The following DCBLD2 variants were observed in gnomAD, a reference collection of about 807,000 sequenced individuals.
The protein encoded by DCBLD2 is discoidin, CUB and LCCL domain-containing protein 2.
Under a neutral mutation model 86.8 loss-of-function variants are expected in DCBLD2, and 54 were observed. The observed-to-expected ratio is 0.62, with a 90% CI of 0.50 to 0.78. The LOEUF (loss-of-function observed/expected upper bound fraction) is 0.78. Among genes scored for constraint, DCBLD2 ranks in the 30% least tolerant of loss-of-function variants. DCBLD2 has a pLI of 0.00. For missense variants in DCBLD2, 908 were observed against 954.2 expected (o/e 0.95, Z 0.64); for synonymous variants, 354 against 341.3 (o/e 1.04, Z -0.41).
At chr3:98,881,498 C>A in intron 2 of DCBLD2, 42 bp downstream of exon 2, 1 of 1,517,832 alleles carries the variant, frequency 6.6e-7, no homozygotes, top group Non-Finnish European at 9.1e-7. Flanking sequence ...ATCATTGAGA[C>A]AATGATGTAT....
rs1272471254 is a variant in DCBLD2 at position 98,797,382 on chromosome 3, A to T, written c.*1990T>A. 6.6e-6 allele frequency: 1 copy of T among 152,550 alleles called. No individual in the cohort carries two copies. The highest frequency in any genetic ancestry group is 1.5e-5 in the Non-Finnish European group (1 of 68,026). The allele number at this position is 152,550 out of a possible 1,614,324, so 9.4% of individuals were successfully genotyped here. On this transcript the variant is annotated 3_prime_UTR_variant, in exon 16 of 16. Coordinates refer to ENST00000326840, the MANE Select transcript of DCBLD2 (RefSeq NM_080927.4). ...AATAGCAAACTTCTTTGGGAAAATG[A>T]AATAGTTACCAAAAACATCTCTCTT...
At chr3:98,857,635 T>C (rs2470864) in intron 2 of DCBLD2, among the ~76,000 whole-genome samples, 66,134 of 151,874 alleles carry the variant, frequency 0.44, 14,580 homozygotes, top group African/African-American at 0.46. Flanking sequence ...AGGGTGCTGA[T>C]TGGTGTGTTT....
chr3:98,832,707 G>A (rs920942149), intron 3 of DCBLD2, among the ~76,000 whole-genome samples: 3 of 152,142 alleles, frequency 2.0e-5, no homozygotes, highest in African/African-American at 2.4e-5. Context: ...GCTTAGTTTG[G>A]CTGGTTATGA....
In DCBLD2 at chr3:98,819,775, C is replaced by A. The variant is rs965029589; in HGVS notation, c.872-358G>T. 2.0e-5 allele frequency among the ~76,000 whole-genome samples: 3 copies of A among 152,180 alleles called. No homozygotes were observed. The East Asian group carries it at 5.8e-4, about 29-fold the overall frequency. On this transcript the variant is annotated intron_variant, in intron 7 of 15. Coordinates refer to ENST00000326840, the MANE Select transcript of DCBLD2 (RefSeq NM_080927.4). ...TCTTCCCTGGGAGGAAGGCCCTTCC[C>A]AACTTCAATCCAGTCCTCCTTATTT...
intron 2 of DCBLD2, among the ~76,000 whole-genome samples, chr3:98,875,633 C>T (rs1943354688): frequency 1.3e-5 from 2 of 152,114 alleles, no homozygotes. Context: ...AGACTAAGCC[C>T]TATCAGGCAT....
Position 98,882,419 on chromosome 3 carries a change from CT to C in DCBLD2, c.206-653del, listed in dbSNP as rs886350011. Among the ~76,000 whole-genome samples the C allele has an allele frequency of 2.7e-4, 40 of 148,964 alleles. No individual in the cohort carries two copies. The South Asian group carries it at 4.3e-3, about 16-fold the overall frequency. On this transcript the variant is annotated intron_variant, in intron 1 of 15. Transcript: ENST00000326840. The stretch of plus-strand genomic sequence containing the variant: ...ATCTGTGAGAAGCTGAATGGAAGCT[CT>C]TTTTTTTTTAACTTTTTAAAAATTA...
intron 3 of DCBLD2, among the ~76,000 whole-genome samples, chr3:98,844,343 T>TTTATTATTATTA (rs10530611): frequency 0.15 from 21,935 of 145,770 alleles, 1,731 homozygotes; most frequent in Middle Eastern, 0.25. Context: ...GTCAGTAGCA[T>TTTATTATTATTA]TTATTATTAT....
chr3:98,802,377 T>C (rs552910895), intron 13 of DCBLD2, among the ~76,000 whole-genome samples: 3 of 152,360 alleles, frequency 2.0e-5, no homozygotes, highest in Admixed American at 2.0e-4. Flanking sequence ...TCTGTTCATA[T>C]CTTTCGCCCA....
rs538668736 is a variant in DCBLD2 at position 98,901,168 on chromosome 3, G to C, written c.159C>G (p.Leu53=). The C allele has an allele frequency of 1.2e-5, 19 of 1,538,438 alleles. No individual in the cohort carries two copies. In the African/African-American group the frequency reaches 1.9e-4, roughly 15 times the overall value. Reference sequence around the variant, plus strand: ...CGAGCAGCAGGAGCAGGACAAGTAAGAGCAGGAGGAACAGAGGCATGGAGA... The same window carrying C: ...CGAGCAGCAGGAGCAGGACAAGTAACAGCAGGAGGAACAGAGGCATGGAGA... ...SSFSMPLFLL[L]LLVLLLLLED... is the part of the protein sequence containing the mutation. Residue 53 remains leucine, a synonymous_variant, in exon 1 of 16, where the codon CTC becomes CTG. Transcript: ENST00000326840.
At chr3:98,801,418 T>C (rs776969132) in intron 14 of DCBLD2, 182 bp downstream of exon 14, 3 of 462,294 alleles carry the variant, frequency 6.5e-6, no homozygotes, top group Middle Eastern at 3.4e-4. Context: ...ATTTCATTAC[T>C]TAGGAATTAC....
chr3:98,870,795 AAGAAAG>A (rs1559794625), intron 2 of DCBLD2, among the ~76,000 whole-genome samples: 3 of 149,458 alleles, frequency 2.0e-5, no homozygotes, highest in Non-Finnish European at 3.0e-5. Flanking sequence ...GAAAGAAAGA[AAGAAAG>A]AAAGAAAGAA....
chr3:98,812,805 G>T (rs1420928067), intron 9 of DCBLD2: 4 of 186,776 alleles, frequency 2.1e-5, no homozygotes, highest in Non-Finnish European at 4.4e-5. Context: ...TAGTAAATCA[G>T]TAACTCTAGT....
rs149302458 is a variant in DCBLD2, at chr3:98,845,144, T to C, written c.571+4317A>G. ...TTTCACTATCTTTCAAAAATGAGGT[T>C]TATAGGTGAAAATGGAAAGAGATAA... On this transcript the variant is annotated intron_variant, in intron 3 of 15. Coordinates refer to ENST00000326840, the MANE Select transcript of DCBLD2 (RefSeq NM_080927.4). 2.4e-4 allele frequency among the ~76,000 whole-genome samples: 37 copies of C among 152,264 alleles called. No homozygotes were observed. The East Asian group carries it at 3.5e-3, about 14-fold the overall frequency.
chr3:98,843,127 A>G (rs1576176727), intron 3 of DCBLD2, among the ~76,000 whole-genome samples: 1 of 152,262 alleles, frequency 6.6e-6, no homozygotes, highest in Middle Eastern at 3.4e-3. Flanking sequence ...AATTGGTAAC[A>G]CTTTGTTCGT....
intron 2 of DCBLD2, among the ~76,000 whole-genome samples, chr3:98,857,319 C>T (rs574197366): frequency 6.6e-6 from 1 of 152,102 alleles, no homozygotes; most frequent in Non-Finnish European, 1.5e-5. Flanking sequence ...TTGCAAAGAG[C>T]GAAAGAACAA....
intron 1 of DCBLD2, among the ~76,000 whole-genome samples, chr3:98,894,564 A>G (rs1352769535): frequency 6.6e-6 from 1 of 152,138 alleles, no homozygotes; most frequent in African/African-American, 2.4e-5. Flanking sequence ...GATTCCTCTC[A>G]TAGTCAAGGG....
At chr3:98,884,201 T>G (rs535882375) in intron 1 of DCBLD2, among the ~76,000 whole-genome samples, 2 of 152,236 alleles carry the variant, frequency 1.3e-5, no homozygotes, top group South Asian at 2.1e-4. Context: ...TCTGAACAAG[T>G]ATCTCTCACA....
intron 9 of DCBLD2, chr3:98,815,046 C>CA (rs1941996753): frequency 6.6e-6 from 1 of 151,686 alleles, no homozygotes; most frequent in Non-Finnish European, 1.5e-5. Context: ...AGTGGGAGGC[C>CA]AATAAGGTAG....
intron 2 of DCBLD2, among the ~76,000 whole-genome samples, chr3:98,880,543 A>C (rs1044203693): frequency 6.6e-6 from 1 of 152,136 alleles, no homozygotes; most frequent in African/African-American, 2.4e-5. Flanking sequence ...CCACCTAATC[A>C]ATTCTGATTC....
Sources: gnomAD v4.1 joint callset for allele counts (sites outside exome capture counted in the v4.1 genomes callset) on GRCh38, gnomAD v4.1.1 for gene constraint, MANE v1.5 for transcripts, NCBI Gene and HGNC (gene_info 2026-07-23, HGNC 2026-07-21) for gene names.